BCAS3: variants seen among roughly 807,000 people sequenced by gnomAD.
BCAS3 encodes BCAS4/BCAS3 fusion.
A neutral mutation model predicts 116.1 loss-of-function variants in BCAS3; 53 were observed. That is an observed-to-expected ratio of 0.46 (90% CI 0.37 to 0.57). The LOEUF (loss-of-function observed/expected upper bound fraction) is 0.57, where lower values mean the gene tolerates loss of function less well. BCAS3 is among the 20% of genes least tolerant of loss of function. BCAS3 has a pLI of 0.00. For missense variants in BCAS3, 917 were observed against 1,165.4 expected (o/e 0.79, Z 3.10); for synonymous variants, 391 against 408.2 (o/e 0.96, Z 0.51).
At chr17:60,706,367 T>C (rs990582210) in intron 4 of BCAS3, among the ~76,000 whole-genome samples, 6 of 152,112 alleles carry the variant, frequency 3.9e-5, no homozygotes, top group Admixed American at 3.3e-4. Context: ...CCCAGCAGGA[T>C]GCAGACTTTT....
Position 61,349,855 on chromosome 17 carries a change from T to C in BCAS3, c.2426-18472T>C, listed in dbSNP as rs547309030. 6.8e-4 allele frequency among the ~76,000 whole-genome samples: 104 copies of C among 152,330 alleles called. No individual in the cohort carries two copies. Among genetic ancestry groups the C allele is most frequent in the Non-Finnish European group, 1.2e-3 (81 of 68,036 alleles). On this transcript the variant is annotated intron_variant, in intron 22 of 23. Transcript: ENST00000407086. The surrounding 1 kb of genome is among the most constrained non-coding windows in gnomAD (Gnocchi z 4.7). ...ATAAGGCCTTCGTCTCTACCAAAGG[T>C]ATTAGCATAGAAGCAGTTCAGAAGG...
At chr17:61,038,642 CT>C (rs113760934) in intron 18 of BCAS3, among the ~76,000 whole-genome samples, 18,433 of 140,308 alleles carry the variant, frequency 0.13, 4,154 homozygotes, top group African/African-American at 0.48. Context: ...TACTTCATTC[CT>C]TTTTTTTGTT....
In BCAS3 at chr17:61,245,708, A is replaced by C. The variant is rs529105581; in HGVS notation, c.2426-122619A>C. On this transcript the variant is annotated intron_variant, in intron 22 of 23. Coordinates refer to ENST00000407086, the MANE Select transcript of BCAS3 (RefSeq NM_017679.5). ...GTGGTTTCAGATGGTAGGCTTTAAC[A>C]TAACAAGATGAGCTATTGGGCTCTC... Among the ~76,000 whole-genome samples the C allele has an allele frequency of 4.6e-5, 7 of 152,314 alleles. No individual in the cohort carries two copies. The East Asian group carries it at 1.3e-3, about 29-fold the overall frequency.
rs1460473419 is a variant in BCAS3 at position 61,343,655 on chromosome 17, G to A, written c.2426-24672G>A. On this transcript the variant is annotated intron_variant, in intron 22 of 23. Coordinates refer to ENST00000407086, the MANE Select transcript of BCAS3 (RefSeq NM_017679.5). This position sits in a 1 kb window ranked among gnomAD's most constrained non-coding sequence, Gnocchi z 5.5. ...GCAAGGCAACAGACATCCCACTGCCGTTCCTCTGCCACCTCTGAGTGTGAT... is the reference window on the plus strand; with the variant it reads ...GCAAGGCAACAGACATCCCACTGCCATTCCTCTGCCACCTCTGAGTGTGAT... Among the ~76,000 whole-genome samples the A allele has an allele frequency of 1.3e-5, 2 of 152,198 alleles. No homozygotes were observed. The highest frequency in any genetic ancestry group is 2.1e-4 in the South Asian group (1 of 4,826).
intron 3 of BCAS3, among the ~76,000 whole-genome samples, chr17:60,689,432 T>C (rs2034519701): frequency 6.6e-6 from 1 of 152,238 alleles, no homozygotes; most frequent in Non-Finnish European, 1.5e-5. Flanking sequence ...TGCCTTGGCC[T>C]CCCAAAGTGC....
At position 60,945,088 on chromosome 17, in the gene BCAS3, G is replaced by C. The variant is rs185154353; in HGVS notation, c.1088-2131G>C. ...CTTGTACTGTATAAAAAAACCCCTAGAACTTGCAGGAAACATACATTGTCA... is the reference window on the plus strand; with the variant it reads ...CTTGTACTGTATAAAAAAACCCCTACAACTTGCAGGAAACATACATTGTCA... On this transcript the variant is annotated intron_variant, in intron 13 of 23. Transcript: ENST00000407086. Among the ~76,000 whole-genome samples the C allele has an allele frequency of 1.5e-3, 222 of 152,118 alleles. 1 individual carries two copies. The highest frequency in any genetic ancestry group is 5.2e-3 in the African/African-American group (215 of 41,510).
At chr17:61,138,696 T>G (rs1268737565) in intron 22 of BCAS3, among the ~76,000 whole-genome samples, 2 of 152,222 alleles carry the variant, frequency 1.3e-5, no homozygotes, top group Non-Finnish European at 2.9e-5. Context: ...ATAAGAGACT[T>G]ACTTTATTGA....
intron 22 of BCAS3, chr17:61,357,132 G>A (rs1295024923): frequency 2.0e-5 from 3 of 150,610 alleles, no homozygotes; most frequent in African/African-American, 7.3e-5. Flanking sequence ...TAGGCCAAGT[G>A]CAGTGGCTCA....
At chr17:60,835,846 G>A (rs1006366059) in intron 7 of BCAS3, among the ~76,000 whole-genome samples, 1 of 152,048 alleles carries the variant, frequency 6.6e-6, no homozygotes, top group Admixed American at 6.6e-5. Flanking sequence ...AGCCTTATTA[G>A]AAAAGCAAGA....
intron 16 of BCAS3, among the ~76,000 whole-genome samples, chr17:61,018,234 C>T (rs2065602847): frequency 6.8e-6 from 1 of 147,626 alleles, no homozygotes; most frequent in African/African-American, 2.5e-5. Context: ...TAGTTTCAGA[C>T]TTACAGAAAT....
rs560198572 is a variant in BCAS3, at chr17:60,774,512, C to A, written c.403+27233C>A. Among the ~76,000 whole-genome samples the A allele has an allele frequency of 9.2e-5, 14 of 152,328 alleles. No homozygotes were observed. The East Asian group carries it at 2.7e-3, about 29-fold the overall frequency. On this transcript the variant is annotated intron_variant, in intron 6 of 23. Coordinates refer to ENST00000407086, the MANE Select transcript of BCAS3 (RefSeq NM_017679.5). ...TTAAAATTTTTGTTTGGATGCCACA[C>A]ATTTTGAATTTTGTGTTGCTCAGGA...
At chr17:60,923,109 G>A (rs1016956220) in intron 12 of BCAS3, among the ~76,000 whole-genome samples, 9 of 152,148 alleles carry the variant, frequency 5.9e-5, no homozygotes, top group Admixed American at 6.5e-5. Flanking sequence ...TGATGGAACA[G>A]TAAACAGTGA....
At chr17:61,317,440 T>A (rs1389907531) in intron 22 of BCAS3, among the ~76,000 whole-genome samples, 1 of 152,236 alleles carries the variant, frequency 6.6e-6, no homozygotes, top group African/African-American at 2.4e-5. Flanking sequence ...ACACACCTGC[T>A]TTGTAGGGCT....
At chr17:61,192,246 C>CAAAAAATAAAAAAAAAAAAAAAAAAAA (rs2080181722) in intron 22 of BCAS3, among the ~76,000 whole-genome samples, 1 of 70,678 alleles carries the variant, frequency 1.4e-5, no homozygotes, top group Non-Finnish European at 2.8e-5. Flanking sequence ...GCTCTGTTAC[C>CAAAAAATAAAAAAAAAAAAAAAAAAAA]AAAAAAAAAA....
chr17:61,182,088 G>A (rs1450770896), intron 22 of BCAS3, among the ~76,000 whole-genome samples: 2 of 151,906 alleles, frequency 1.3e-5, no homozygotes, highest in Non-Finnish European at 2.9e-5. Flanking sequence ...TTGCCCTGTT[G>A]GTCTCAAACT....
intron 22 of BCAS3, among the ~76,000 whole-genome samples, chr17:61,350,455 A>AATTT (rs1723184443): frequency 6.6e-6 from 1 of 150,632 alleles, no homozygotes; most frequent in Admixed American, 6.6e-5. Flanking sequence ...TAAATAAATA[A>AATTT]ATTTTATTGT....
chr17:60,702,863 T>C (rs866577720), intron 4 of BCAS3, among the ~76,000 whole-genome samples: 2 of 152,016 alleles, frequency 1.3e-5, no homozygotes, highest in African/African-American at 4.8e-5. Context: ...AGTGCTGAGA[T>C]TACAGGCGTG....
rs2053349127 is a variant in BCAS3, at chr17:61,300,572, A to G, written c.2426-67755A>G. Among the ~76,000 whole-genome samples the G allele has an allele frequency of 6.6e-6, 1 of 152,220 alleles. No homozygotes were observed. The highest frequency in any genetic ancestry group is 2.4e-5 in the African/African-American group (1 of 41,458). On this transcript the variant is annotated intron_variant, in intron 22 of 23. Coordinates refer to ENST00000407086, the MANE Select transcript of BCAS3 (RefSeq NM_017679.5). The surrounding 1 kb of genome is among the most constrained non-coding windows in gnomAD (Gnocchi z 5.1). ...CCTGGCCAAAAAAGAAAAGAAAAGA[A>G]AAGAAAAATGTATGGCAGTAAGTAA...
rs367617143 is a variant in BCAS3 at position 60,841,050 on chromosome 17, A to G, written c.477-27526A>G. ...AGATTATATTGTTAAAATTTTAAAAATTATTTAAATAAATGAAAATTGTGT... is the reference window on the plus strand; with the variant it reads ...AGATTATATTGTTAAAATTTTAAAAGTTATTTAAATAAATGAAAATTGTGT... On this transcript the variant is annotated intron_variant, in intron 7 of 23. Coordinates refer to ENST00000407086, the MANE Select transcript of BCAS3 (RefSeq NM_017679.5). 3.6e-4 allele frequency among the ~76,000 whole-genome samples: 55 copies of G among 152,234 alleles called. No individual in the cohort carries two copies. In the East Asian group the frequency reaches 7.9e-3, roughly 22 times the overall value.
Sources: gnomAD v4.1 joint callset for allele counts (sites outside exome capture counted in the v4.1 genomes callset) on GRCh38, gnomAD v4.1.1 for gene constraint, Gnocchi (gnomAD v3.1) non-coding constraint, MANE v1.5 for transcripts, NCBI Gene and HGNC (gene_info 2026-07-23, HGNC 2026-07-21) for gene names.